Variants in RNF150 observed in about 807,000 individuals in gnomAD.
RNF150 encodes ring finger protein 150.
In RNF150, 24 loss-of-function variants were observed where a neutral mutation model predicts 39.3. The ratio of observed to expected loss-of-function variants is 0.61; its 90% CI spans 0.44 to 0.86. The LOEUF (loss-of-function observed/expected upper bound fraction) is 0.86, where lower values mean the gene tolerates loss of function less well. Among genes scored for constraint, RNF150 ranks in the 40% least tolerant of loss-of-function variants. The probability of loss-of-function intolerance (pLI) is 0.00; values close to 1 mark genes in which losing one functional copy is unlikely to be tolerated. For synonymous variants in RNF150, 255 were observed against 227.3 expected (o/e 1.12, Z -1.10); for missense variants, 502 against 587.8 (o/e 0.85, Z 1.51).
rs180755171 is a variant in RNF150 at position 141,089,698 on chromosome 4, A to G, written c.484+42627T>C. On this transcript the variant is annotated intron_variant, in intron 1 of 6. Transcript: ENST00000515673. The stretch of plus-strand genomic sequence containing the variant: ...ACAGAAGACCACTGGGAGTGCCCCT[A>G]TTAGAAGAAACAGTACAGGATACTC... Among the ~76,000 whole-genome samples the G allele has an allele frequency of 2.0e-5, 3 of 152,312 alleles. No individual in the cohort carries two copies. In the East Asian group the frequency reaches 5.8e-4, roughly 29 times the overall value.
chr4:140,977,913 T>G lies in RNF150; in HGVS notation c.485-10040A>C, dbSNP rs565989914. Among the ~76,000 whole-genome samples the G allele has an allele frequency of 1.3e-5, 2 of 152,232 alleles. 1 individual carries two copies. Among genetic ancestry groups the G allele is most frequent in the South Asian group, 4.1e-4 (2 of 4,826 alleles). The stretch of plus-strand genomic sequence containing the variant: ...GTGTGTTCTATCCGCTTTTCTACAC[T>G]AGGGAGAAGTTAGTACTATCCTGAA... On this transcript the variant is annotated intron_variant, in intron 1 of 6. Transcript: ENST00000515673.
intron 1 of RNF150, among the ~76,000 whole-genome samples, chr4:141,107,579 T>C (rs1039764220): frequency 4.6e-5 from 7 of 152,190 alleles, no homozygotes; most frequent in African/African-American, 1.7e-4. Context: ...TACTGATAGA[T>C]GTTAGTTTCC....
chr4:141,048,405 A>T (rs1736659473), intron 1 of RNF150, among the ~76,000 whole-genome samples: 1 of 152,198 alleles, frequency 6.6e-6, no homozygotes, highest in African/African-American at 2.4e-5. Context: ...AAGAAGATCC[A>T]TCTTGGCATG....
At chr4:141,007,430 A>G (rs1734914405) in intron 1 of RNF150, among the ~76,000 whole-genome samples, 1 of 152,182 alleles carries the variant, frequency 6.6e-6, no homozygotes. Flanking sequence ...TCTTCTTTCT[A>G]TCACAGGGTG....
intron 1 of RNF150, among the ~76,000 whole-genome samples, chr4:141,072,977 A>G (rs149037169): frequency 0.014 from 2,161 of 152,128 alleles, 58 homozygotes; most frequent in African/African-American, 0.049. Context: ...AATGTCATCT[A>G]CCTTGCTTGA....
At chr4:140,968,608 C>T (rs929459917) in intron 1 of RNF150, among the ~76,000 whole-genome samples, 1 of 151,680 alleles carries the variant, frequency 6.6e-6, no homozygotes, top group African/African-American at 2.4e-5. Context: ...AAGATGGAAG[C>T]AGTACAGATA....
chr4:141,070,289 C>T (rs560002783), intron 1 of RNF150, among the ~76,000 whole-genome samples: 1 of 152,146 alleles, frequency 6.6e-6, no homozygotes, highest in Admixed American at 6.5e-5. Context: ...TAGAAGAAAA[C>T]CTAGGCATTA....
chr4:141,130,794 A>C (rs1167736788), intron 1 of RNF150, among the ~76,000 whole-genome samples: 1 of 152,242 alleles, frequency 6.6e-6, no homozygotes, highest in African/African-American at 2.4e-5. Flanking sequence ...CATGACTTAC[A>C]GTGCTTTCCA....
chr4:141,083,701 G>A lies in RNF150; in HGVS notation c.484+48624C>T, dbSNP rs549793945. 2.0e-5 allele frequency among the ~76,000 whole-genome samples: 3 copies of A among 151,908 alleles called. No individual in the cohort carries two copies. The South Asian group carries it at 6.2e-4, about 32-fold the overall frequency. On this transcript the variant is annotated intron_variant, in intron 1 of 6. Transcript: ENST00000515673. ...AACCTCTGAGAATGGCCACAACGTT[G>A]GTTGTAAAGCCCACTGGTCAGAGTG...
At chr4:141,055,835 C>T (rs1265120339) in intron 1 of RNF150, among the ~76,000 whole-genome samples, 3 of 152,166 alleles carry the variant, frequency 2.0e-5, no homozygotes, top group Non-Finnish European at 2.9e-5. Context: ...TCCAGCTATA[C>T]AGGAATCATG....
intron 6 of RNF150, among the ~76,000 whole-genome samples, chr4:140,907,985 G>T (rs1289457638): frequency 6.6e-6 from 1 of 152,058 alleles, no homozygotes; most frequent in Non-Finnish European, 1.5e-5. Flanking sequence ...TAATTTCCTG[G>T]GTCTGTGGAG....
intron 1 of RNF150, among the ~76,000 whole-genome samples, chr4:141,130,548 T>C (rs745469632): frequency 1.3e-5 from 2 of 152,206 alleles, no homozygotes; most frequent in Non-Finnish European, 2.9e-5. Flanking sequence ...ATTGATCCAA[T>C]GTGTTGGCAG....
rs1223526371 is a variant in RNF150, at chr4:140,865,255, G to T, written c.*3006C>A. 1 of 152,174 alleles carries T rather than the reference G, an allele frequency of 6.6e-6. No individual in the cohort carries two copies. Among genetic ancestry groups the T allele is most frequent in the Non-Finnish European group, 1.5e-5 (1 of 68,024 alleles). The allele number at this position is 152,174 out of a possible 1,614,324, so 9.4% of individuals were successfully genotyped here. On this transcript the variant is annotated 3_prime_UTR_variant, in exon 7 of 7. Coordinates refer to ENST00000515673, the MANE Select transcript of RNF150 (RefSeq NM_020724.2). Reference sequence around the variant, plus strand: ...TACATGATTAAAATTATCTTTACCTGTTTCTTTTTACACTTTAAAATGTGG... The same window carrying T: ...TACATGATTAAAATTATCTTTACCTTTTTCTTTTTACACTTTAAAATGTGG...
chr4:141,098,795 C>T (rs1485885152), intron 1 of RNF150, among the ~76,000 whole-genome samples: 2 of 152,148 alleles, frequency 1.3e-5, no homozygotes, highest in African/African-American at 2.4e-5. Context: ...CAATGTTTTC[C>T]TTCCTCATTG....
intron 1 of RNF150, among the ~76,000 whole-genome samples, chr4:141,112,107 T>G (rs1739402468): frequency 6.6e-6 from 1 of 152,208 alleles, no homozygotes; most frequent in Admixed American, 6.5e-5. Flanking sequence ...TAAATTATAC[T>G]ATGAAAACTA....
intron 1 of RNF150, among the ~76,000 whole-genome samples, chr4:141,060,672 T>C (rs1737182650): frequency 6.6e-6 from 1 of 152,156 alleles, no homozygotes; most frequent in Non-Finnish European, 1.5e-5. Flanking sequence ...AAACCCCTAC[T>C]ATAAAGACAC....
chr4:141,197,799 A>G (rs1728224531), intron 1 of RNF150, among the ~76,000 whole-genome samples: 1 of 151,084 alleles, frequency 6.6e-6, no homozygotes, highest in Non-Finnish European at 1.5e-5. Context: ...AATGGTGTGA[A>G]CCCGGGAGGT....
intron 1 of RNF150, among the ~76,000 whole-genome samples, chr4:141,151,038 T>A (rs1166833923): frequency 6.6e-6 from 1 of 152,040 alleles, no homozygotes; most frequent in Admixed American, 6.6e-5. Context: ...CTCAAGTGAT[T>A]TAGCGCTTCT....
intron 1 of RNF150, among the ~76,000 whole-genome samples, chr4:141,163,978 T>C (rs1727557255): frequency 6.6e-6 from 1 of 152,002 alleles, no homozygotes; most frequent in African/African-American, 2.4e-5. Flanking sequence ...GCAGTAGGCT[T>C]CAGAAGGTGG....
Sources: gnomAD v4.1 joint callset for allele counts (sites outside exome capture counted in the v4.1 genomes callset) on GRCh38, gnomAD v4.1.1 for gene constraint, MANE v1.5 for transcripts, NCBI Gene and HGNC (gene_info 2026-07-23, HGNC 2026-07-21) for gene names.